The following GALNTL6 variants were observed in gnomAD, a reference collection of about 807,000 sequenced individuals.
GALNTL6 encodes polypeptide N-acetylgalactosaminyltransferase like 6, also known as polypeptide N-acetylgalactosaminyltransferase-like 6.
Under a neutral mutation model 73.7 loss-of-function variants are expected in GALNTL6, and 46 were observed. The observed-to-expected ratio is 0.62, with a 90% CI of 0.49 to 0.80. The LOEUF is 0.80. Among genes scored for constraint, GALNTL6 ranks in the 30% least tolerant of loss-of-function variants. GALNTL6 has a pLI of 0.00. For synonymous variants in GALNTL6, 259 were observed against 263.7 expected, an observed-to-expected ratio of 0.98 and a Z score of 0.17; for missense variants, 604 against 755.0, an observed-to-expected ratio of 0.80 and a Z score of 2.34.
At chr4:172,006,330 A>G (rs1740840606) in intron 2 of GALNTL6, among the ~76,000 whole-genome samples, 1 of 152,086 alleles carries the variant, frequency 6.6e-6, no homozygotes, top group Non-Finnish European at 1.5e-5. Context: ...GACTTCCAAA[A>G]TCAAAACTTG....
intron 5 of GALNTL6, among the ~76,000 whole-genome samples, chr4:172,641,674 G>A (rs980470782): frequency 5.3e-5 from 8 of 151,874 alleles, no homozygotes; most frequent in Non-Finnish European, 1.0e-4. Context: ...CAACCTGGAC[G>A]TTTTCTTTAT....
At chr4:172,541,929 A>C (rs924453174) in intron 5 of GALNTL6, among the ~76,000 whole-genome samples, 1 of 151,918 alleles carries the variant, frequency 6.6e-6, no homozygotes, top group African/African-American at 2.4e-5. Context: ...ATTATTTTCT[A>C]CTGGGAGACT....
rs532010444 is a variant in GALNTL6 at position 171,908,666 on chromosome 4, A to G, written c.138+93948A>G. 3.6e-4 allele frequency among the ~76,000 whole-genome samples: 55 copies of G among 150,986 alleles called. 2 individuals carry two copies. Among genetic ancestry groups the G allele is most frequent in the African/African-American group, 1.3e-3 (54 of 40,376 alleles). ...TGGGTATATACCCAAAGGACTATAAATCATGCTGCTATAAAGACACATGAA... is the reference window on the plus strand; with the variant it reads ...TGGGTATATACCCAAAGGACTATAAGTCATGCTGCTATAAAGACACATGAA... On this transcript the variant is annotated intron_variant, in intron 2 of 12. Transcript: ENST00000506823.
At chr4:172,253,585 T>A (rs975133265) in intron 3 of GALNTL6, among the ~76,000 whole-genome samples, 4 of 151,914 alleles carry the variant, frequency 2.6e-5, no homozygotes, top group Admixed American at 2.6e-4. Flanking sequence ...TAATACTGAA[T>A]AGCAACCAGT....
At chr4:172,576,803 G>A (rs1736973505) in intron 5 of GALNTL6, among the ~76,000 whole-genome samples, 1 of 152,154 alleles carries the variant, frequency 6.6e-6, no homozygotes. Flanking sequence ...CTGAGGACAA[G>A]TTCAGGGTGA....
At chr4:172,627,633 T>C (rs964518638) in intron 5 of GALNTL6, among the ~76,000 whole-genome samples, 1 of 152,024 alleles carries the variant, frequency 6.6e-6, no homozygotes, top group Non-Finnish European at 1.5e-5. Flanking sequence ...CAGGAGCTTT[T>C]TGCGTTGGTA....
At chr4:172,461,078 G>A (rs761509656) in intron 5 of GALNTL6, among the ~76,000 whole-genome samples, 12 of 152,170 alleles carry the variant, frequency 7.9e-5, no homozygotes, top group Non-Finnish European at 1.8e-4. Flanking sequence ...GGACATGGTT[G>A]AAGCTGGAAA....
At chr4:172,987,063 T>C (rs1174012498) in intron 10 of GALNTL6, among the ~76,000 whole-genome samples, 2 of 152,156 alleles carry the variant, frequency 1.3e-5, no homozygotes, top group African/African-American at 4.8e-5. Context: ...ACATAATTTT[T>C]CTCTCTCCAG....
chr4:172,390,523 G>A (rs1010775179), intron 5 of GALNTL6, among the ~76,000 whole-genome samples: 1 of 152,202 alleles, frequency 6.6e-6, no homozygotes, highest in Non-Finnish European at 1.5e-5. Context: ...CCCAGGATGT[G>A]AATCATCCCT....
chr4:172,255,578 G>A (rs1738045939), intron 3 of GALNTL6, among the ~76,000 whole-genome samples: 1 of 150,948 alleles, frequency 6.6e-6, no homozygotes, highest in Admixed American at 6.6e-5. Flanking sequence ...CTCTTTTGGT[G>A]CATATTATGA....
At chr4:172,949,679 G>A (rs537321021) in intron 9 of GALNTL6, among the ~76,000 whole-genome samples, 148 of 152,120 alleles carry the variant, frequency 9.7e-4, no homozygotes, top group African/African-American at 3.5e-3. Flanking sequence ...GGAGGCCAAC[G>A]CGGGTGGATC....
intron 2 of GALNTL6, among the ~76,000 whole-genome samples, chr4:172,097,389 C>T (rs116617226): frequency 0.038 from 5,754 of 152,166 alleles, 371 homozygotes; most frequent in African/African-American, 0.13. Flanking sequence ...CCGCTATGCC[C>T]TTGGCAACTG....
At chr4:172,198,609 A>G (rs769310586) in intron 2 of GALNTL6, among the ~76,000 whole-genome samples, 5 of 152,132 alleles carry the variant, frequency 3.3e-5, no homozygotes, top group Non-Finnish European at 7.4e-5. Context: ...CAACCTAAAC[A>G]TATACTTTAT....
intron 5 of GALNTL6, among the ~76,000 whole-genome samples, chr4:172,386,506 A>G (rs1561059403): frequency 6.6e-6 from 1 of 152,014 alleles, no homozygotes; most frequent in Non-Finnish European, 1.5e-5. Context: ...AGAGCGAGAA[A>G]GAGAGAGAGA....
At position 171,857,261 on chromosome 4, in the gene GALNTL6, A is replaced by T. The variant is rs568671024; in HGVS notation, c.138+42543A>T. 8.5e-5 allele frequency among the ~76,000 whole-genome samples: 13 copies of T among 152,182 alleles called. No homozygotes were observed. In the East Asian group the frequency reaches 2.3e-3, roughly 27 times the overall value. On this transcript the variant is annotated intron_variant, in intron 2 of 12. Coordinates refer to ENST00000506823, the MANE Select transcript of GALNTL6 (RefSeq NM_001034845.3). ...TCTCCCCTTGCTTTCTCAGTATTTT[A>T]TTTAAAAAAAAAGAAGTATATTGAA...
At chr4:171,862,151 C>A (rs1735846187) in intron 2 of GALNTL6, among the ~76,000 whole-genome samples, 1 of 152,044 alleles carries the variant, frequency 6.6e-6, no homozygotes, top group Non-Finnish European at 1.5e-5. Context: ...TATACTATGG[C>A]AATTTATGTA....
At chr4:172,327,034 CT>C (rs1740966924) in intron 4 of GALNTL6, among the ~76,000 whole-genome samples, 1 of 151,868 alleles carries the variant, frequency 6.6e-6, no homozygotes, top group Non-Finnish European at 1.5e-5. Context: ...AAATATAATA[CT>C]ATCATTTTTG....
intron 5 of GALNTL6, among the ~76,000 whole-genome samples, chr4:172,774,699 C>A (rs1303840253): frequency 2.0e-5 from 3 of 152,170 alleles, no homozygotes; most frequent in Non-Finnish European, 2.9e-5. Flanking sequence ...GTGGCTCACA[C>A]CTGCAATCCC....
intron 2 of GALNTL6, among the ~76,000 whole-genome samples, chr4:172,031,407 A>G (rs1260278640): frequency 6.6e-6 from 1 of 152,162 alleles, no homozygotes; most frequent in East Asian, 1.9e-4. Context: ...ATAAACTTAC[A>G]AGACGTGCTC....
Sources: allele counts gnomAD v4.1 joint callset (sites outside exome capture counted in the v4.1 genomes callset), GRCh38; gene constraint gnomAD v4.1.1; transcripts MANE v1.5; gene names NCBI Gene and HGNC (gene_info 2026-07-23, HGNC 2026-07-21).